Variants in MACF1 observed in about 807,000 individuals in gnomAD.
MACF1 encodes microtubule-actin cross-linking factor 1.
Under a neutral mutation model 854.8 loss-of-function variants are expected in MACF1, and 193 were observed. The observed-to-expected ratio is 0.23, with a 90% CI of 0.20 to 0.25. The LOEUF (loss-of-function observed/expected upper bound fraction) is 0.25, where lower values mean the gene tolerates loss of function less well. Among genes scored for constraint, MACF1 ranks in the 10% least tolerant of loss-of-function variants. The probability of loss-of-function intolerance (pLI) is 1.00; values close to 1 mark genes in which losing one functional copy is unlikely to be tolerated. For synonymous variants in MACF1, 3,185 were observed against 3,226.7 expected, an observed-to-expected ratio of 0.99 and a Z score of 0.44; for missense variants, 7,722 against 8,929.1, an observed-to-expected ratio of 0.86 and a Z score of 5.45.
chr1:39,310,288 A>T lies in MACF1; in HGVS notation c.2960A>T (p.Asn987Ile), dbSNP rs2148434498. Residue 987 changes from asparagine (N) to isoleucine (I), a missense_variant, in exon 25 of 101, where the codon AAC becomes ATC. This residue lies in a region of MACF1 where 1,137 missense variants were observed against 1,263.0 expected (regional missense o/e 0.90). Transcript: ENST00000564288. ...GGGGAGTGCCATCAGATTATGAAGA[A>T]CCTTCAGGCCCACTATGAAGACTTT... ...APGECHQIMK[N>I]LQAHYEDFLQ... The T allele has an allele frequency of 6.2e-7, 1 of 1,614,044 alleles. No individual in the cohort carries two copies. Among genetic ancestry groups the T allele is most frequent in the East Asian group, 2.2e-5 (1 of 44,868 alleles).
intron 2 of MACF1, among the ~76,000 whole-genome samples, chr1:39,188,365 G>A (rs139189880): frequency 4.7e-4 from 72 of 152,198 alleles, no homozygotes; most frequent in African/African-American, 1.4e-3. Flanking sequence ...CTGAGACTGC[G>A]CCACTACACT....
intron 42 of MACF1, among the ~76,000 whole-genome samples, chr1:39,350,285 A>G (rs940526862): frequency 1.3e-5 from 2 of 152,202 alleles, no homozygotes; most frequent in Non-Finnish European, 2.9e-5. Flanking sequence ...TGAGGTGGGT[A>G]TGGTATTGAG....
At chr1:39,432,732 G>T (rs1643895659) in intron 67 of MACF1, 78 bp downstream of exon 67, 1 of 1,407,780 alleles carries the variant, frequency 7.1e-7, no homozygotes, top group East Asian at 2.5e-5. Context: ...ACTATCCCAT[G>T]TCAAGTGGAA....
At chr1:39,248,353 A>G (rs1001824732) in intron 2 of MACF1, among the ~76,000 whole-genome samples, 2 of 151,854 alleles carry the variant, frequency 1.3e-5, no homozygotes, top group African/African-American at 2.4e-5. Flanking sequence ...CCCTCATTAC[A>G]AAAGGGTCTT....
At chr1:39,362,779 T>C (rs1012852186) in intron 49 of MACF1, among the ~76,000 whole-genome samples, 8 of 152,198 alleles carry the variant, frequency 5.3e-5, no homozygotes, top group African/African-American at 1.9e-4. Flanking sequence ...GATGAGCTAC[T>C]GGAGTGTCAC....
rs558869208 is a variant in MACF1, at chr1:39,318,185, A to T, written c.3783-268A>T. Among the ~76,000 whole-genome samples the T allele has an allele frequency of 2.0e-5, 3 of 152,232 alleles. No individual in the cohort carries two copies. In the East Asian group the frequency reaches 5.8e-4, roughly 29 times the overall value. On this transcript the variant is annotated intron_variant, in intron 29 of 100. Coordinates refer to ENST00000564288, the MANE Select transcript of MACF1 (RefSeq NM_001394062.1). ...TAATTCTTGGCAACCTAGGTGAAAA[A>T]TTTGACAAGGATTATTGTGGGATGC...
intron 51 of MACF1, 98 bp from the exon 52 acceptor site, chr1:39,372,381 G>A (rs1649327450): frequency 3.0e-6 from 2 of 666,568 alleles, no homozygotes; most frequent in Admixed American, 2.5e-5. Flanking sequence ...GTCTCTTAAT[G>A]CTTTTCAAAA....
chr1:39,363,926 G>A lies in MACF1; in HGVS notation c.12771+2249G>A, dbSNP rs1170418133. 3.3e-5 allele frequency among the ~76,000 whole-genome samples: 5 copies of A among 152,112 alleles called. No homozygotes were observed. In the East Asian group the frequency reaches 7.7e-4, roughly 23 times the overall value. ...CACACCTGGCCAACAAGACTCATAC[G>A]TGGTGGAAATTTGAATTGTTGTTTC... On this transcript the variant is annotated intron_variant, in intron 49 of 100. Transcript: ENST00000564288.
Position 39,417,712 on chromosome 1 carries a change from A to ATTTTTTTTTTT in MACF1, c.15817-4662_15817-4661insTTTTTTTTTTT, listed in dbSNP as rs1643370130. On this transcript the variant is annotated intron_variant, in intron 58 of 100. Coordinates refer to ENST00000564288, the MANE Select transcript of MACF1 (RefSeq NM_001394062.1). ...CAGGAATGTGCCACCACACCCAGTT[A>ATTTTTTTTTTT]ATTTTTTTTTTTTTTTTTTTTTTTT... is the stretch of plus-strand genomic sequence containing the variant. 5.8e-5 allele frequency among the ~76,000 whole-genome samples: 4 copies of ATTTTTTTTTTT among 68,516 alleles called. No individual in the cohort carries two copies. The East Asian group carries it at 1.4e-3, about 23-fold the overall frequency. 44.9% of individuals were successfully genotyped at this position (68,516 alleles called of 152,430 possible).
intron 9 of MACF1, 50 bp from the exon 10 acceptor site, chr1:39,284,016 T>C (rs1294742147): frequency 6.3e-7 from 1 of 1,597,932 alleles, no homozygotes; most frequent in Non-Finnish European, 8.5e-7. Flanking sequence ...CTCTTGTGCT[T>C]GTTTTGGATA....
chr1:39,346,623 C>T (rs188822512), intron 40 of MACF1, among the ~76,000 whole-genome samples: 1 of 151,306 alleles, frequency 6.6e-6, no homozygotes, highest in Non-Finnish European at 1.5e-5. Flanking sequence ...GGGTTCACGC[C>T]ATTCTCCTGC....
At chr1:39,160,930 G>A (rs555352980) in intron 2 of MACF1, among the ~76,000 whole-genome samples, 7 of 152,294 alleles carry the variant, frequency 4.6e-5, no homozygotes, top group Non-Finnish European at 8.8e-5. Flanking sequence ...TCTTCATTTA[G>A]TTACTGACTG....
At chr1:39,237,897 A>G (rs1644877591) in intron 2 of MACF1, among the ~76,000 whole-genome samples, 1 of 152,198 alleles carries the variant, frequency 6.6e-6, no homozygotes, top group Non-Finnish European at 1.5e-5. Flanking sequence ...AAACATAAAA[A>G]TAGAAGTTTG....
chr1:39,361,537 C>T lies in MACF1; in HGVS notation c.12631C>T (p.Leu4211=). 6.2e-7 allele frequency: 1 copy of T among 1,614,122 alleles called. No individual in the cohort carries two copies. The highest frequency in any genetic ancestry group is 1.3e-5 in the African/African-American group (1 of 75,016). The change falls in exon 49 of 101, where the codon CTA becomes TTA. Residue 4211 remains leucine (L), a synonymous_variant. Coordinates refer to ENST00000564288, the MANE Select transcript of MACF1 (RefSeq NM_001394062.1). ...ACAGCAGCAAGAAAAGGAGAGCTCC[C>T]TAAAGAAGCTTCTACCCCAGGCAGA... ...CLQQQEKESS[L]KKLLPQAEMF...
intron 97 of MACF1, among the ~76,000 whole-genome samples, chr1:39,477,822 C>T (rs1644938221): frequency 6.6e-6 from 1 of 152,060 alleles, no homozygotes; most frequent in African/African-American, 2.4e-5. Context: ...CAGTCAGCTG[C>T]ATTATTGCAC....
At chr1:39,458,263 T>A in intron 89 of MACF1, 107 bp from the exon 90 acceptor site, 1 of 1,112,178 alleles carries the variant, frequency 9.0e-7, no homozygotes, top group Non-Finnish European at 1.3e-6. Context: ...CCACACAGCC[T>A]TTCCTGCCAC....
At chr1:39,425,715 C>T (rs1643703647) in intron 61 of MACF1, among the ~76,000 whole-genome samples, 1 of 152,146 alleles carries the variant, frequency 6.6e-6, no homozygotes, top group Non-Finnish European at 1.5e-5. Flanking sequence ...CCAGCTCTCT[C>T]TCTTCTATAA....
chr1:39,412,492 T>C (rs1197238083), intron 58 of MACF1: 1 of 1,614,004 alleles, frequency 6.2e-7, no homozygotes, highest in East Asian at 2.2e-5. Flanking sequence ...CCACAGAAAC[T>C]TCCCAGAGCA....
intron 2 of MACF1, among the ~76,000 whole-genome samples, chr1:39,123,399 G>C (rs1393963610): frequency 1.3e-5 from 2 of 151,316 alleles, no homozygotes; most frequent in African/African-American, 2.4e-5. Context: ...GTGGAGATGG[G>C]GTTTTACCAT....
Sources: gnomAD v4.1 joint callset for allele counts (sites outside exome capture counted in the v4.1 genomes callset) on GRCh38, gnomAD v4.1.1 for gene constraint, gnomAD v4.1.1 regional missense constraint, MANE v1.5 for transcripts, NCBI Gene and HGNC (gene_info 2026-07-23, HGNC 2026-07-21) for gene names.